Variants in HRH2 observed in about 807,000 individuals in gnomAD.
The protein encoded by HRH2 is histamine receptor H2.
HRH2 carries 4 observed loss-of-function variants against 20.1 expected under a neutral mutation model. That is an observed-to-expected ratio of 0.20 (90% CI 0.10 to 0.45). The LOEUF (loss-of-function observed/expected upper bound fraction) is 0.45, where lower values mean the gene tolerates loss of function less well. Ranked by LOEUF, HRH2 falls within the 20% of genes least tolerant of loss-of-function variation. HRH2 has a pLI of 0.99. For synonymous variants in HRH2, 197 were observed against 200.7 expected, an observed-to-expected ratio of 0.98 and a Z score of 0.16; for missense variants, 250 against 461.6, an observed-to-expected ratio of 0.54 and a Z score of 4.20.
chr5:175,693,433 T>A lies in HRH2; in HGVS notation c.1076+9124T>A, dbSNP rs1481133235. ...CTGCTTCTCCTGTCTCTGATCCATGTAGAAATTTGCAGAAAGTAGCGAGGG... is the reference window on the plus strand; with the variant it reads ...CTGCTTCTCCTGTCTCTGATCCATGAAGAAATTTGCAGAAAGTAGCGAGGG... On this transcript the variant is annotated intron_variant, in intron 2 of 2. Transcript: ENST00000636584. This position sits in a 1 kb window ranked among gnomAD's most constrained non-coding sequence, Gnocchi z 4.4. 3.3e-5 allele frequency among the ~76,000 whole-genome samples: 5 copies of A among 152,134 alleles called. No homozygotes were observed. Among genetic ancestry groups the A allele is most frequent in the African/African-American group, 1.2e-4 (5 of 41,418 alleles).
chr5:175,697,197 C>T lies in HRH2; in HGVS notation c.1077-10582C>T, dbSNP rs541276274. On this transcript the variant is annotated intron_variant, in intron 2 of 2. Coordinates refer to ENST00000636584, the MANE Select transcript of HRH2 (RefSeq NM_001367711.1). ...GAGGATGCCCGGCCGGGCGCGGTGG[C>T]TCACGCCTGTAATCCCAGCACTTTG... Among the ~76,000 whole-genome samples, 6 of 152,196 alleles carry T rather than the reference C, an allele frequency of 3.9e-5. No homozygotes were observed. The South Asian group carries it at 1.2e-3, about 32-fold the overall frequency.
chr5:175,662,894 A>G (rs940519115), intron 1 of HRH2, among the ~76,000 whole-genome samples: 5 of 152,186 alleles, frequency 3.3e-5, no homozygotes, highest in African/African-American at 1.2e-4. Flanking sequence ...AGGTTTGCCT[A>G]TTCTGGACAT....
Position 175,685,287 on chromosome 5 carries a change from A to G in HRH2, c.1076+978A>G, listed in dbSNP as rs921894207. On this transcript the variant is annotated intron_variant, in intron 2 of 2. Coordinates refer to ENST00000636584, the MANE Select transcript of HRH2 (RefSeq NM_001367711.1). ...AGTGGCACCGAGGAAGCTCGCTGTGAGGAGAGACAGCTTACTGGTCTGGGC... is the reference window on the plus strand; with the variant it reads ...AGTGGCACCGAGGAAGCTCGCTGTGGGGAGAGACAGCTTACTGGTCTGGGC... 5 of 855,298 alleles carry G rather than the reference A, an allele frequency of 5.8e-6. No homozygotes were observed. In the Admixed American group the frequency reaches 1.4e-4, roughly 24 times the overall value. The allele number at this position is 855,298 out of a possible 1,614,324, so 53.0% of individuals were successfully genotyped here. A position where few individuals can be genotyped will look rare whatever the true frequency, so the allele number is the denominator to read the frequency against.
chr5:175,696,673 C>A (rs1046455696), intron 2 of HRH2, among the ~76,000 whole-genome samples: 1 of 152,134 alleles, frequency 6.6e-6, no homozygotes, highest in Non-Finnish European at 1.5e-5. Context: ...GGAGGGGCTC[C>A]GCAGGAAGTA....
At chr5:175,697,653 A>G (rs17065326) in intron 2 of HRH2, among the ~76,000 whole-genome samples, 8,682 of 152,094 alleles carry the variant, frequency 0.057, 746 homozygotes, top group African/African-American at 0.18. Flanking sequence ...TCACAGACTT[A>G]GTCCAGTCGT....
intron 2 of HRH2, among the ~76,000 whole-genome samples, chr5:175,697,596 A>C (rs1386660181): frequency 6.6e-6 from 1 of 151,874 alleles, no homozygotes; most frequent in Non-Finnish European, 1.5e-5. Context: ...CCGCTGGGGT[A>C]TTCACCACCC....
In HRH2 at chr5:175,677,805, C is replaced by G. The variant is rs1755809792; in HGVS notation, c.-525-4904C>G. ...CCGGCCCACCCCCAGCTGCCACACC[C>G]TCGAATCCTGATCTGCAGCAGGAGG... On this transcript the variant is annotated intron_variant, in intron 1 of 2. Coordinates refer to ENST00000636584, the MANE Select transcript of HRH2 (RefSeq NM_001367711.1). This position sits in a 1 kb window ranked among gnomAD's most constrained non-coding sequence, Gnocchi z 4.2. Among the ~76,000 whole-genome samples the G allele has an allele frequency of 1.3e-5, 2 of 152,170 alleles. No homozygotes were observed. Among genetic ancestry groups the G allele is most frequent in the African/African-American group, 4.8e-5 (2 of 41,442 alleles).
At position 175,693,675 on chromosome 5, in the gene HRH2, C is replaced by A. The variant is rs1756460142; in HGVS notation, c.1076+9366C>A. Among the ~76,000 whole-genome samples, 1 of 152,202 alleles carries A rather than the reference C, an allele frequency of 6.6e-6. No homozygotes were observed. Among genetic ancestry groups the A allele is most frequent in the Non-Finnish European group, 1.5e-5 (1 of 68,040 alleles). On this transcript the variant is annotated intron_variant, in intron 2 of 2. Coordinates refer to ENST00000636584, the MANE Select transcript of HRH2 (RefSeq NM_001367711.1). This position sits in a 1 kb window ranked among gnomAD's most constrained non-coding sequence, Gnocchi z 4.4. The stretch of plus-strand genomic sequence containing the variant: ...TAAAATGGAAAGTCATAGAGAACCC[C>A]ATGTCTGTTGCCATCCTTCCTATTC...
Position 175,686,650 on chromosome 5 carries a change from C to T in HRH2, c.1076+2341C>T, listed in dbSNP as rs187813796. Among the ~76,000 whole-genome samples the T allele has an allele frequency of 2.0e-5, 3 of 152,318 alleles. No individual in the cohort carries two copies. The East Asian group carries it at 5.8e-4, about 29-fold the overall frequency. On this transcript the variant is annotated intron_variant, in intron 2 of 2. Coordinates refer to ENST00000636584, the MANE Select transcript of HRH2 (RefSeq NM_001367711.1). The surrounding 1 kb of genome is among the most constrained non-coding windows in gnomAD (Gnocchi z 4.7). The stretch of plus-strand genomic sequence containing the variant: ...CTGGCGCATGGGCCCGGGAGCCCAT[C>T]CCGGAGAGGAGACCTCTGAGCTTTT...
At chr5:175,702,805 G>T (rs527684820) in intron 2 of HRH2, among the ~76,000 whole-genome samples, 83 of 149,802 alleles carry the variant, frequency 5.5e-4, no homozygotes, top group Admixed American at 1.4e-3. Flanking sequence ...CCTGACCTCA[G>T]ATCCGCCCAC....
chr5:175,685,474 T>C, intron 2 of HRH2: 1 of 1,551,518 alleles, frequency 6.4e-7, no homozygotes, highest in Non-Finnish European at 8.7e-7. Context: ...CATTTGTTCA[T>C]TCATTCATTT....
intron 1 of HRH2, 149 bp downstream of exon 1, chr5:175,658,304 C>CG (rs1334044124): frequency 1.3e-5 from 2 of 152,200 alleles, no homozygotes; most frequent in African/African-American, 4.8e-5. Context: ...GTTCGAGCCT[C>CG]GGCCCCACCG....
At position 175,693,744 on chromosome 5, in the gene HRH2, T is replaced by C. The variant is rs972686513; in HGVS notation, c.1076+9435T>C. 6.6e-6 allele frequency among the ~76,000 whole-genome samples: 1 copy of C among 152,226 alleles called. No homozygotes were observed. Among genetic ancestry groups the C allele is most frequent in the African/African-American group, 2.4e-5 (1 of 41,446 alleles). ...TGCTCCCTTCCCATCTTGGTCCGGG[T>C]GCAGACATGGCCTTAATGTCATGGT... On this transcript the variant is annotated intron_variant, in intron 2 of 2. Coordinates refer to ENST00000636584, the MANE Select transcript of HRH2 (RefSeq NM_001367711.1). This position sits in a 1 kb window ranked among gnomAD's most constrained non-coding sequence, Gnocchi z 4.4.
In HRH2 at chr5:175,683,884, T is replaced by C. The variant is rs1417927435; in HGVS notation, c.651T>C (p.Asn217=). 1 of 1,614,066 alleles carries C rather than the reference T, an allele frequency of 6.2e-7. No homozygotes were observed. Reference sequence around the variant, plus strand: ...CCCGGGATCAGGCCAAGAGGATCAATCACATTAGCTCCTGGAAGGCAGCCA... The same window carrying C: ...CCCGGGATCAGGCCAAGAGGATCAACCACATTAGCTCCTGGAAGGCAGCCA... ...KVARDQAKRI[N]HISSWKAATI... Residue 217 remains asparagine (N), a synonymous_variant, in exon 2 of 3, where the codon AAT becomes AAC. Transcript: ENST00000636584.
intron 2 of HRH2, among the ~76,000 whole-genome samples, chr5:175,697,235 G>A (rs966175639): frequency 2.0e-5 from 3 of 151,992 alleles, no homozygotes; most frequent in Non-Finnish European, 2.9e-5. Flanking sequence ...AGGCCGAGGC[G>A]GGCGGATCAC....
At chr5:175,664,048 C>T (rs997882865) in intron 1 of HRH2, among the ~76,000 whole-genome samples, 1 of 152,176 alleles carries the variant, frequency 6.6e-6, no homozygotes, top group Non-Finnish European at 1.5e-5. Context: ...AAGTTGGTCA[C>T]GGACTAGAGC....
At chr5:175,685,124 T>C (rs1756125554) in intron 2 of HRH2, among the ~76,000 whole-genome samples, 1 of 152,036 alleles carries the variant, frequency 6.6e-6, no homozygotes, top group Non-Finnish European at 1.5e-5. Context: ...GTGCGGGAGA[T>C]GCAAGGGAGG....
intron 1 of HRH2, among the ~76,000 whole-genome samples, chr5:175,658,410 G>A (rs1448693754): frequency 2.0e-5 from 3 of 152,150 alleles, no homozygotes; most frequent in African/African-American, 7.2e-5. Context: ...CCTTCCCCAA[G>A]GGGGCGTTGA....
chr5:175,707,097 T>A (rs7734871), intron 2 of HRH2, among the ~76,000 whole-genome samples: 14,541 of 152,186 alleles, frequency 0.096, 802 homozygotes, highest in African/African-American at 0.14. Context: ...TACTTTTATA[T>A]GTATTCTGTA....
Sources: allele counts gnomAD v4.1 joint callset (sites outside exome capture counted in the v4.1 genomes callset), GRCh38; gene constraint gnomAD v4.1.1; non-coding constraint Gnocchi (gnomAD v3.1); transcripts MANE v1.5; gene names NCBI Gene and HGNC (gene_info 2026-07-23, HGNC 2026-07-21).